TYW1B: variants seen among roughly 807,000 people sequenced by gnomAD.
The protein encoded by TYW1B is S-adenosyl-L-methionine-dependent tRNA 4-demethylwyosine synthase TYW1B.
In TYW1B, 73 loss-of-function variants were observed where a neutral mutation model predicts 86.9. The ratio of observed to expected loss-of-function variants is 0.84; its 90% CI spans 0.70 to 1.02. TYW1B has a LOEUF of 1.02. Ranked by LOEUF, TYW1B falls within the 50% of genes least tolerant of loss-of-function variation. The pLI, the probability that TYW1B is intolerant of heterozygous loss-of-function variation, is 0.00. For missense variants in TYW1B, 637 were observed against 827.4 expected, an observed-to-expected ratio of 0.77 and a Z score of 2.82; for synonymous variants, 248 against 292.8, an observed-to-expected ratio of 0.85 and a Z score of 1.56.
At chr7:72,640,833 T>G (rs1182353248) in intron 11 of TYW1B, among the ~76,000 whole-genome samples, 5 of 151,986 alleles carry the variant, frequency 3.3e-5, no homozygotes, top group African/African-American at 1.2e-4. Context: ...ACAGAACATA[T>G]GAACGACATG....
At chr7:72,753,430 TGACCAGCAAAAA>T (rs1554465437) in intron 7 of TYW1B, among the ~76,000 whole-genome samples, 1 of 151,626 alleles carries the variant, frequency 6.6e-6, no homozygotes. Context: ...AATGGTGGGC[TGACCAGCAAAAA>T]GACTATGACT....
At chr7:72,613,408 T>C (rs1458396220) in intron 13 of TYW1B, among the ~76,000 whole-genome samples, 4 of 129,494 alleles carry the variant, frequency 3.1e-5, no homozygotes, top group Non-Finnish European at 6.9e-5. Flanking sequence ...CTTCTTTTTT[T>C]TTTTTTTTTT....
intron 11 of TYW1B, among the ~76,000 whole-genome samples, chr7:72,632,926 G>C (rs1159715082): frequency 6.6e-6 from 1 of 152,134 alleles, no homozygotes; most frequent in Non-Finnish European, 1.5e-5. Context: ...GTGAACCCAA[G>C]CAGTAGTGAG....
intron 9 of TYW1B, among the ~76,000 whole-genome samples, chr7:72,717,475 G>A (rs1289110101): frequency 4.6e-5 from 7 of 152,046 alleles, no homozygotes; most frequent in Admixed American, 6.6e-5. Context: ...CATAGATAGA[G>A]AATGATCTGT....
intron 11 of TYW1B, among the ~76,000 whole-genome samples, chr7:72,649,089 T>C (rs1245827308): frequency 6.6e-6 from 1 of 152,148 alleles, no homozygotes; most frequent in Non-Finnish European, 1.5e-5. Context: ...AGACAGTCCA[T>C]AGTATGAAAA....
chr7:72,724,986 C>T (rs1287957451), intron 9 of TYW1B, among the ~76,000 whole-genome samples: 1 of 152,144 alleles, frequency 6.6e-6, no homozygotes, highest in African/African-American at 2.4e-5. Context: ...GTTTTCCTCA[C>T]ATCGTAAGAA....
intron 11 of TYW1B, among the ~76,000 whole-genome samples, chr7:72,677,393 C>T (rs1319006249): frequency 1.3e-5 from 2 of 152,056 alleles, no homozygotes; most frequent in Non-Finnish European, 2.9e-5. Flanking sequence ...AGCAATCCTC[C>T]CACCTTGGCC....
At chr7:72,588,033 T>C (rs1485491062) in intron 13 of TYW1B, among the ~76,000 whole-genome samples, 1 of 152,180 alleles carries the variant, frequency 6.6e-6, no homozygotes, top group Non-Finnish European at 1.5e-5. Context: ...TAGTTTCTTC[T>C]TTGGGTAAGA....
At position 72,756,542 on chromosome 7, in the gene TYW1B, G is replaced by A. The variant is rs149591082; in HGVS notation, c.965-11941C>T. ...GAGCCACGACACCCGGCCTAGTACCGTCAGATTTGAGCTAACCAATATCAG... is the reference window on the plus strand; with the variant it reads ...GAGCCACGACACCCGGCCTAGTACCATCAGATTTGAGCTAACCAATATCAG... On this transcript the variant is annotated intron_variant, in intron 7 of 13. Transcript: ENST00000620995. 3.2e-3 allele frequency among the ~76,000 whole-genome samples: 480 copies of A among 151,900 alleles called. 1 individual carries two copies. Among genetic ancestry groups the A allele is most frequent in the Non-Finnish European group, 5.2e-3 (355 of 67,914 alleles).
chr7:72,827,996 T>C (rs1788971017), intron 1 of TYW1B, 76 bp downstream of exon 1: 2 of 1,598,968 alleles, frequency 1.3e-6, no homozygotes, highest in Admixed American at 3.5e-5. Flanking sequence ...AGGACGCCAC[T>C]CCGCCCGGAG....
At chr7:72,827,840 G>A (rs1404349033) in intron 1 of TYW1B, among the ~76,000 whole-genome samples, 1 of 152,170 alleles carries the variant, frequency 6.6e-6, no homozygotes, top group African/African-American at 2.4e-5. Flanking sequence ...TAATACACGT[G>A]GGTAAAGTGG....
chr7:72,720,768 C>A (rs1466139510), intron 9 of TYW1B, among the ~76,000 whole-genome samples: 1 of 151,942 alleles, frequency 6.6e-6, no homozygotes, highest in Non-Finnish European at 1.5e-5. Flanking sequence ...TATTATTATA[C>A]CTTAAGTTCT....
chr7:72,596,221 A>C (rs1323516957), intron 13 of TYW1B, among the ~76,000 whole-genome samples: 1 of 151,410 alleles, frequency 6.6e-6, no homozygotes, highest in African/African-American at 2.4e-5. Flanking sequence ...AACACTACCC[A>C]AAGTTACCTA....
At chr7:72,818,020 C>A (rs1554479757) in intron 2 of TYW1B, among the ~76,000 whole-genome samples, 1 of 151,354 alleles carries the variant, frequency 6.6e-6, no homozygotes, top group East Asian at 2.0e-4. Flanking sequence ...CCTACCTCAG[C>A]TTGCCGCCCT....
rs535855807 is a variant in TYW1B at position 72,752,904 on chromosome 7, T to G, written c.965-8303A>C. Among the ~76,000 whole-genome samples the G allele has an allele frequency of 6.6e-5, 10 of 152,170 alleles. No homozygotes were observed. The South Asian group carries it at 2.1e-3, about 32-fold the overall frequency. On this transcript the variant is annotated intron_variant, in intron 7 of 13. Transcript: ENST00000620995. ...GTCCCACCAGCCAAAGTGTGAAAAT[T>G]TGATGATCAAAACAGAAAATAACTG...
chr7:72,795,115 C>T (rs188465494), intron 6 of TYW1B, among the ~76,000 whole-genome samples: 14 of 152,128 alleles, frequency 9.2e-5, no homozygotes, highest in South Asian at 2.1e-4. Flanking sequence ...TCAGCATGCC[C>T]GGCCTCCTAC....
intron 11 of TYW1B, among the ~76,000 whole-genome samples, chr7:72,643,523 G>A (rs1812854274): frequency 6.6e-6 from 1 of 151,922 alleles, no homozygotes; most frequent in Non-Finnish European, 1.5e-5. Flanking sequence ...GGAGGCGGAG[G>A]TGGCAGTCAG....
intron 9 of TYW1B, among the ~76,000 whole-genome samples, chr7:72,726,818 AG>A (rs1787006980): frequency 6.6e-6 from 1 of 152,184 alleles, no homozygotes; most frequent in African/African-American, 2.4e-5. Flanking sequence ...AAAGGAAAAG[AG>A]GTTTGATTGA....
chr7:72,590,720 G>C (rs1336731614), intron 13 of TYW1B, among the ~76,000 whole-genome samples: 1 of 152,106 alleles, frequency 6.6e-6, no homozygotes, highest in African/African-American at 2.4e-5. Flanking sequence ...GAGAGGCAAA[G>C]AATCTGATTC....
Sources: allele counts gnomAD v4.1 joint callset (sites outside exome capture counted in the v4.1 genomes callset), GRCh38; gene constraint gnomAD v4.1.1; transcripts MANE v1.5; gene names NCBI Gene and HGNC (gene_info 2026-07-23, HGNC 2026-07-21).